Variants in LGALS9 observed in about 807,000 individuals in gnomAD.
The protein encoded by LGALS9 is galectin-9.
A neutral mutation model predicts 35.9 loss-of-function variants in LGALS9; 26 were observed. The observed-to-expected ratio is 0.72, with a 90% CI of 0.53 to 1.01. The LOEUF is 1.01. Ranked by LOEUF, LGALS9 falls within the 50% of genes least tolerant of loss-of-function variation. LGALS9 has a pLI of 0.00. For missense variants in LGALS9, 347 were observed against 445.8 expected, an observed-to-expected ratio of 0.78 and a Z score of 1.99; for synonymous variants, 149 against 172.2, an observed-to-expected ratio of 0.87 and a Z score of 1.06.
rs138813302 is a variant in LGALS9, at chr17:27,643,568, C to A, written c.488C>A (p.Pro163Gln). 2.5e-6 allele frequency: 4 copies of A among 1,611,882 alleles called. No homozygotes were observed. Among genetic ancestry groups the A allele is most frequent in the Admixed American group, 3.3e-5 (2 of 60,010 alleles). ...VPVQPAFSTV[P>Q]FSQPVCFPPR... ...GTTCAGCCTGCCTTCTCCACGGTGCCGTTCTCCCAGCCTGTCTGTTTCCCA... is the reference window on the plus strand; with the variant it reads ...GTTCAGCCTGCCTTCTCCACGGTGCAGTTCTCCCAGCCTGTCTGTTTCCCA... The change falls in exon 5 of 11, where the codon CCG becomes CAG. Residue 163 changes from proline to glutamine, a missense_variant. By Grantham distance (76) the Pro-to-Gln change is moderately conservative (BLOSUM62 -1). Transcript: ENST00000395473.
rs1180969143 is a variant in LGALS9 at position 27,646,562 on chromosome 17, C to A, written c.643C>A (p.Pro215Thr). The change falls in exon 8 of 11, where the codon CCT becomes ACT. Residue 215 changes from proline (P) to threonine (T), a missense_variant. Coordinates refer to ENST00000395473, the MANE Select transcript of LGALS9 (RefSeq NM_009587.3). Reference protein sequence around the residue: ...GQMFSTPAIPPMMYPHPAYPM... With the variant: ...GQMFSTPAIPTMMYPHPAYPM... ...TTTTCAACAGACTCCCGCCATCCCA[C>A]CTATGATGTACCCCCACCCCGCCTA... 3 of 1,612,212 alleles carry A rather than the reference C, an allele frequency of 1.9e-6. No individual in the cohort carries two copies. The East Asian group carries it at 6.7e-5, about 36-fold the overall frequency.
chr17:27,646,514 C>G (rs1368594583), intron 7 of LGALS9, 33 bp from the exon 8 acceptor site: 5 of 1,611,932 alleles, frequency 3.1e-6, no homozygotes, highest in Non-Finnish European at 4.2e-6. Context: ...CCCATGTGCT[C>G]TCCCATTGAA....
chr17:27,645,784 C>T, intron 6 of LGALS9, 77 bp from the exon 7 acceptor site: 1 of 1,215,220 alleles, frequency 8.2e-7, no homozygotes, highest in Non-Finnish European at 1.2e-6. Context: ...AGGGTGCCTG[C>T]CGTGTGGCGC....
intron 1 of LGALS9, among the ~76,000 whole-genome samples, chr17:27,635,609 T>C (rs889562126): frequency 1.3e-5 from 2 of 152,170 alleles, no homozygotes; most frequent in Non-Finnish European, 2.9e-5. Context: ...TGATCTGTAC[T>C]TCCTCTTTCT....
chr17:27,642,541 C>T, intron 4 of LGALS9, 193 bp downstream of exon 4: 1 of 1,178,502 alleles, frequency 8.5e-7, no homozygotes, highest in Non-Finnish European at 1.2e-6. Flanking sequence ...GTGTTACTGT[C>T]TCTGTCCGGA....
At chr17:27,635,173 AGGCATGATGGT>A (rs1036735210) in intron 1 of LGALS9, among the ~76,000 whole-genome samples, 6 of 152,196 alleles carry the variant, frequency 3.9e-5, no homozygotes, top group Non-Finnish European at 8.8e-5. Context: ...TTTTCAGGCC[AGGCATGATGGT>A]TCATGCCTGA....
chr17:27,634,722 G>C (rs1046867127), intron 1 of LGALS9, among the ~76,000 whole-genome samples: 2 of 152,070 alleles, frequency 1.3e-5, no homozygotes, highest in African/African-American at 4.8e-5. Flanking sequence ...TTTAAAATCA[G>C]GACAATCTCC....
chr17:27,637,727 G>A (rs2074468869), intron 1 of LGALS9, among the ~76,000 whole-genome samples: 1 of 152,246 alleles, frequency 6.6e-6, no homozygotes, highest in African/African-American at 2.4e-5. Flanking sequence ...GTGGTGGGGA[G>A]AGGGGGATGG....
chr17:27,634,632 C>T (rs2074425082), intron 1 of LGALS9, among the ~76,000 whole-genome samples: 1 of 152,198 alleles, frequency 6.6e-6, no homozygotes, highest in South Asian at 2.1e-4. Flanking sequence ...TTCTGTGCTT[C>T]TGTTGTCACA....
At chr17:27,635,713 A>G (rs1035066535) in intron 1 of LGALS9, among the ~76,000 whole-genome samples, 2 of 152,084 alleles carry the variant, frequency 1.3e-5, no homozygotes, top group Admixed American at 1.3e-4. Context: ...CTGTGAATAC[A>G]CTTAAGTGGA....
At chr17:27,640,814 C>T (rs760807758) in intron 3 of LGALS9, 41 bp downstream of exon 3, 3 of 1,611,174 alleles carry the variant, frequency 1.9e-6, no homozygotes, top group African/African-American at 2.7e-5. Flanking sequence ...CCCTGGGACC[C>T]CCAGCCCTAT....
intron 10 of LGALS9, 56 bp downstream of exon 10, chr17:27,647,488 G>A: frequency 1.2e-6 from 2 of 1,602,658 alleles, no homozygotes; most frequent in East Asian, 4.5e-5. Context: ...CAGGGGGAGG[G>A]GGTAAAGGAG....
intron 1 of LGALS9, among the ~76,000 whole-genome samples, chr17:27,634,166 C>G (rs1247472842): frequency 6.6e-6 from 1 of 152,218 alleles, no homozygotes; most frequent in Non-Finnish European, 1.5e-5. Flanking sequence ...CTTCTGGAGG[C>G]CCCAGGGGAA....
intron 4 of LGALS9, 40 bp downstream of exon 4, chr17:27,642,388 T>G (rs2151294640): frequency 6.2e-7 from 1 of 1,611,392 alleles, no homozygotes; most frequent in Admixed American, 1.7e-5. Flanking sequence ...GGGGCTGGGA[T>G]GCAGGGCCCA....
In LGALS9 at chr17:27,643,614, A is replaced by G. The variant is rs1904694169; in HGVS notation, c.534A>G (p.Arg178=). Residue 178 remains arginine (R), a synonymous_variant, in exon 5 of 11, where the codon AGA becomes AGG. Coordinates refer to ENST00000395473, the MANE Select transcript of LGALS9 (RefSeq NM_009587.3). ...TCCCACCCAGGCCCAGGGGGCGCAG[A>G]CAAAAAGTGAGTTCAACACAGAGGC... ...VCFPPRPRGR[R]QKPPGVWPAN... The G allele has an allele frequency of 1.2e-6, 2 of 1,611,128 alleles. No individual in the cohort carries two copies. The highest frequency in any genetic ancestry group is 8.5e-7 in the Non-Finnish European group (1 of 1,179,396).
chr17:27,647,383 A>T lies in LGALS9; in HGVS notation c.872A>T (p.Glu291Val). 6.2e-7 allele frequency: 1 copy of T among 1,614,100 alleles called. No homozygotes were observed. The highest frequency in any genetic ancestry group is 8.5e-7 in the Non-Finnish European group (1 of 1,180,002). ...TQIDNSWGSE[E>V]RSLPRKMPFV... ...ATCGACAACTCCTGGGGGTCTGAGG[A>T]GCGAAGTCTGCCCCGAAAAATGCCC... The change falls in exon 10 of 11, where the codon GAG becomes GTG. Residue 291 changes from glutamate to valine, a missense_variant. By Grantham distance (121) the Glu-to-Val change is moderately radical. Transcript: ENST00000395473.
At chr17:27,643,464 C>T (rs530013399) in intron 4 of LGALS9, 61 bp from the exon 5 acceptor site, 70 of 1,604,712 alleles carry the variant, frequency 4.4e-5, no homozygotes, top group Admixed American at 1.9e-4. Flanking sequence ...CTCTGCCTTT[C>T]GGCTTCTCCT....
In LGALS9 at chr17:27,649,304, C is replaced by A. The variant is rs1905149616; in HGVS notation, c.*322C>A. 2 of 420,276 alleles carry A rather than the reference C, an allele frequency of 4.8e-6. No individual in the cohort carries two copies. Among genetic ancestry groups the A allele is most frequent in the East Asian group, 9.9e-5 (2 of 20,156 alleles). The allele number at this position is 420,276 out of a possible 1,614,324, so 26.0% of individuals were successfully genotyped here. A position where few individuals can be genotyped will look rare whatever the true frequency, so the allele number is the denominator to read the frequency against. On this transcript the variant is annotated 3_prime_UTR_variant, in exon 11 of 11. Coordinates refer to ENST00000395473, the MANE Select transcript of LGALS9 (RefSeq NM_009587.3). ...GCCCCATGCTCAGTCCCCTCCCATC[C>A]CCCACGCAGCTCCACCCCAGTCCCA...
chr17:27,645,751 A>G, intron 6 of LGALS9, 110 bp from the exon 7 acceptor site: 1 of 822,418 alleles, frequency 1.2e-6, no homozygotes, highest in Non-Finnish European at 1.9e-6. Context: ...CTGTGGGGCC[A>G]TTGGGCTTGT....
Sources: gnomAD v4.1 joint callset for allele counts (sites outside exome capture counted in the v4.1 genomes callset) on GRCh38, gnomAD v4.1.1 for gene constraint, MANE v1.5 for transcripts, NCBI Gene and HGNC (gene_info 2026-07-23, HGNC 2026-07-21) for gene names.